Variants in POLQ observed in about 807,000 individuals in gnomAD.
POLQ encodes DNA polymerase theta.
A neutral mutation model predicts 259.2 loss-of-function variants in POLQ; 233 were observed. The ratio of observed to expected loss-of-function variants is 0.90; its 90% CI spans 0.81 to 1.00. The LOEUF (loss-of-function observed/expected upper bound fraction) is 1.00. POLQ is among the 50% of genes least tolerant of loss of function. POLQ has a pLI of 0.00. For synonymous variants in POLQ, 1,025 were observed against 1,048.8 expected (o/e 0.98, Z 0.44); for missense variants, 2,871 against 3,051.6 (o/e 0.94, Z 1.39).
At chr3:121,530,688 C>T (rs777999652) in intron 6 of POLQ, among the ~76,000 whole-genome samples, 18 of 152,026 alleles carry the variant, frequency 1.2e-4, no homozygotes, top group Non-Finnish European at 2.1e-4. Context: ...CTGTGGTGGC[C>T]CTGCAAGTTC....
chr3:121,498,545 G>C lies in POLQ; in HGVS notation c.2085C>G (p.Ala695=). The change falls in exon 13 of 30, where the codon GCC becomes GCG. Residue 695 remains alanine, a synonymous_variant. Transcript: ENST00000264233. ...CTACTACTTTTCCTTTCACACAACGGGCCAAGAACCCCTCTTCAACTCCCA... is the reference window on the plus strand; with the variant it reads ...CTACTACTTTTCCTTTCACACAACGCGCCAAGAACCCCTCTTCAACTCCCA... ...ELVGVEEGFL[A]RCVKGKVVAR... 6.2e-7 allele frequency: 1 copy of C among 1,613,864 alleles called. No individual in the cohort carries two copies. The highest frequency in any genetic ancestry group is 8.5e-7 in the Non-Finnish European group (1 of 1,179,958).
At chr3:121,451,942 G>A (rs866503595) in intron 25 of POLQ, among the ~76,000 whole-genome samples, 10 of 152,324 alleles carry the variant, frequency 6.6e-5, no homozygotes, top group African/African-American at 2.2e-4. Context: ...CACCCAGTTC[G>A]AGCTTCCTGG....
chr3:121,451,427 C>G (rs1160717208), intron 25 of POLQ, among the ~76,000 whole-genome samples: 1 of 152,058 alleles, frequency 6.6e-6, no homozygotes, highest in African/African-American at 2.4e-5. Context: ...TTTTATCTAC[C>G]TTTGGTCTTT....
rs538606263 is a variant in POLQ, at chr3:121,492,338, G to GA, written c.2522+1139dup. 4.2e-3 allele frequency among the ~76,000 whole-genome samples: 642 copies of GA among 152,270 alleles called. 6 individuals carry two copies. Among genetic ancestry groups the GA allele is most frequent in the Non-Finnish European group, 7.4e-3 (500 of 68,018 alleles). On this transcript the variant is annotated intron_variant, in intron 15 of 29. Coordinates refer to ENST00000264233, the MANE Select transcript of POLQ (RefSeq NM_199420.4). Reference sequence around the variant, plus strand: ...AGACTGAGTTCAAAAAACAGTGGTAGAAAAAATAATTAAGCTATTCCTTGA... The same window carrying GA: ...AGACTGAGTTCAAAAAACAGTGGTAGAAAAAAATAATTAAGCTATTCCTTGA...
At chr3:121,484,935 T>C in intron 17 of POLQ, 106 bp downstream of exon 17, 1 of 919,964 alleles carries the variant, frequency 1.1e-6, no homozygotes, top group South Asian at 2.2e-5. Flanking sequence ...ACTCTAAAAA[T>C]AAATCCTAGG....
intron 24 of POLQ, among the ~76,000 whole-genome samples, chr3:121,465,938 G>A (rs575647817): frequency 1.3e-5 from 2 of 152,152 alleles, no homozygotes; most frequent in Non-Finnish European, 2.9e-5. Context: ...AGCTAGAAAC[G>A]ATTAAGCTTA....
chr3:121,512,244 G>T (rs2048261295), intron 9 of POLQ, among the ~76,000 whole-genome samples: 1 of 152,164 alleles, frequency 6.6e-6, no homozygotes, highest in South Asian at 2.1e-4. Flanking sequence ...GGATTATTTT[G>T]AGCTGAAGGC....
At chr3:121,537,402 A>C (rs2048458556) in intron 4 of POLQ, among the ~76,000 whole-genome samples, 194 bp from the exon 5 acceptor site, 1 of 152,204 alleles carries the variant, frequency 6.6e-6, no homozygotes. Context: ...CCCATCACCC[A>C]GGTACTTAGC....
intron 28 of POLQ, 87 bp from the exon 29 acceptor site, chr3:121,433,120 AT>A: frequency 1.4e-6 from 1 of 739,228 alleles, no homozygotes; most frequent in Non-Finnish European, 2.4e-6. Flanking sequence ...ACTCTGAGGA[AT>A]TTTAATGAGA....
At position 121,498,639 on chromosome 3, in the gene POLQ, ATAG is replaced by A; in HGVS notation, c.1988_1990del (p.Thr663del). On this transcript the variant is annotated inframe_deletion, in exon 13 of 30. Coordinates refer to ENST00000264233, the MANE Select transcript of POLQ (RefSeq NM_199420.4). ...TAAACAGAAAAATCGATACCAATCA[ATAG>A]TAGTCCAATCCTCAAACATAGGTGT... The A allele has an allele frequency of 6.2e-7, 1 of 1,613,362 alleles. No individual in the cohort carries two copies. The highest frequency in any genetic ancestry group is 1.3e-5 in the African/African-American group (1 of 75,052).
intron 25 of POLQ, 59 bp from the exon 26 acceptor site, chr3:121,449,485 G>T: frequency 1.1e-6 from 1 of 935,032 alleles, no homozygotes; most frequent in South Asian, 1.4e-5. Context: ...AAATAAAAGG[G>T]TTCATTAGGA....
At chr3:121,503,022 G>A (rs1458014470) in intron 12 of POLQ, among the ~76,000 whole-genome samples, 1 of 152,032 alleles carries the variant, frequency 6.6e-6, no homozygotes, top group East Asian at 1.9e-4. Flanking sequence ...GACATTTTTG[G>A]TCAATGACAA....
At chr3:121,482,883 C>T (rs1318192260) in intron 18 of POLQ, among the ~76,000 whole-genome samples, 2 of 152,168 alleles carry the variant, frequency 1.3e-5, no homozygotes, top group Non-Finnish European at 2.9e-5. Flanking sequence ...ACTGAGTCAT[C>T]ATTACGAAGA....
At chr3:121,464,762 ATGTATATG>A (rs2047821931) in intron 24 of POLQ, among the ~76,000 whole-genome samples, 1 of 152,204 alleles carries the variant, frequency 6.6e-6, no homozygotes, top group Admixed American at 6.5e-5. Context: ...TGTCTATAAG[ATGTATATG>A]AAACATAAAT....
intron 9 of POLQ, among the ~76,000 whole-genome samples, chr3:121,513,104 CAA>C (rs1315199301): frequency 1.3e-5 from 2 of 151,724 alleles, no homozygotes; most frequent in Non-Finnish European, 2.9e-5. Flanking sequence ...GTAAGAGGTT[CAA>C]AAAGACAAAT....
At chr3:121,509,510 C>T in intron 12 of POLQ, 51 bp downstream of exon 12, 1 of 1,475,448 alleles carries the variant, frequency 6.8e-7, no homozygotes, top group Non-Finnish European at 9.3e-7. Context: ...GATTATATAT[C>T]TATTTTTTTC....
chr3:121,501,207 G>A (rs1438748574), intron 12 of POLQ, among the ~76,000 whole-genome samples: 1 of 151,942 alleles, frequency 6.6e-6, no homozygotes, highest in South Asian at 2.1e-4. Flanking sequence ...CCATCTACCT[G>A]CCTCAGCCTC....
chr3:121,540,401 A>T (rs2048481983), intron 3 of POLQ, among the ~76,000 whole-genome samples: 1 of 152,232 alleles, frequency 6.6e-6, no homozygotes, highest in Non-Finnish European at 1.5e-5. Flanking sequence ...CATTTCTTTA[A>T]CAATCAGTAT....
chr3:121,436,096 A>G (rs1428675222), intron 28 of POLQ, 26 bp downstream of exon 28: 2 of 1,556,872 alleles, frequency 1.3e-6, no homozygotes, highest in Non-Finnish European at 1.8e-6. Flanking sequence ...ATCATGTTAC[A>G]GCACAGGCCT....
Sources: gnomAD v4.1 joint callset for allele counts (sites outside exome capture counted in the v4.1 genomes callset) on GRCh38, gnomAD v4.1.1 for gene constraint, MANE v1.5 for transcripts, NCBI Gene and HGNC (gene_info 2026-07-23, HGNC 2026-07-21) for gene names.